The following BTAF1 variants were observed in gnomAD, a reference collection of about 807,000 sequenced individuals.
The protein encoded by BTAF1 is TATA-binding protein-associated factor 172.
Under a neutral mutation model 227.1 loss-of-function variants are expected in BTAF1, and 38 were observed. The ratio of observed to expected loss-of-function variants is 0.17; its 90% CI spans 0.13 to 0.22. BTAF1 has a LOEUF of 0.22. Among genes scored for constraint, BTAF1 ranks in the 10% least tolerant of loss-of-function variants. The pLI is 1.00. For missense variants in BTAF1, 1,598 were observed against 2,204.0 expected, an observed-to-expected ratio of 0.73 and a Z score of 5.51; for synonymous variants, 742 against 751.9, an observed-to-expected ratio of 0.99 and a Z score of 0.21.
chr10:91,939,852 A>G (rs1027441620), intron 2 of BTAF1, 100 bp from the exon 3 acceptor site: 4 of 665,570 alleles, frequency 6.0e-6, no homozygotes, highest in South Asian at 2.2e-5. Context: ...ATGGCTGCCA[A>G]ATTACACATT....
At position 91,982,624 on chromosome 10, in the gene BTAF1, G is replaced by C. The variant is rs765621237; in HGVS notation, c.2086G>C (p.Gly696Arg). The change falls in exon 18 of 38, where the codon GGT becomes CGT. Residue 696 changes from glycine (G) to arginine (R), a missense_variant. Coordinates refer to ENST00000265990, the MANE Select transcript of BTAF1 (RefSeq NM_003972.3). ...GALCCCICDP[G>R]VNVVTQEIKP... ...ACTTTGTTGCTGTATTTGTGATCCA[G>C]GTGTAAATGTGGTAACTCAAGAAAT... 2 of 1,613,796 alleles carry C rather than the reference G, an allele frequency of 1.2e-6. No individual in the cohort carries two copies. The highest frequency in any genetic ancestry group is 2.2e-5 in the East Asian group (1 of 44,832).
At chr10:91,942,307 T>C in intron 3 of BTAF1, 115 bp from the exon 4 acceptor site, 1 of 480,334 alleles carries the variant, frequency 2.1e-6, no homozygotes, top group South Asian at 2.8e-5. Flanking sequence ...TTTGTGTGTG[T>C]GTGTGTGTGT....
intron 20 of BTAF1, among the ~76,000 whole-genome samples, chr10:91,991,271 A>AAATATATATATATAT (rs1564699928): frequency 1.7e-4 from 11 of 66,210 alleles, no homozygotes; most frequent in Admixed American, 4.3e-4. Context: ...TATAAATATA[A>AAATATATATATATAT]ATATATATAT....
rs575291473 is a variant in BTAF1, at chr10:91,987,351, T to C, written c.2428-1803T>C. Among the ~76,000 whole-genome samples, 464 of 151,824 alleles carry C rather than the reference T, an allele frequency of 3.1e-3. 2 individuals are homozygous for C. Among genetic ancestry groups the C allele is most frequent in the African/African-American group, 0.011 (447 of 41,364 alleles). On this transcript the variant is annotated intron_variant, in intron 19 of 37. Coordinates refer to ENST00000265990, the MANE Select transcript of BTAF1 (RefSeq NM_003972.3). ...ACAAAAAATTAGCCGGGCGTGGTGGTGGGTGCCTGTAGTCCCAGCTACTCG... is the reference window on the plus strand; with the variant it reads ...ACAAAAAATTAGCCGGGCGTGGTGGCGGGTGCCTGTAGTCCCAGCTACTCG...
intron 1 of BTAF1, among the ~76,000 whole-genome samples, chr10:91,933,120 A>G (rs73312372): frequency 3.1e-4 from 47 of 152,302 alleles, no homozygotes; most frequent in African/African-American, 1.1e-3. Context: ...CTGTAACCCT[A>G]GCTTGAAGGG....
At position 91,932,411 on chromosome 10, in the gene BTAF1, AAAAG is replaced by A. The variant is rs1844332372; in HGVS notation, c.15-3245_15-3242del. On this transcript the variant is annotated intron_variant, in intron 1 of 37. Transcript: ENST00000265990. ...TGTTTCTCAAAGGAAGCAGGAAAAA[AAAAG>A]GTAATATAAAATATTTTTTCTTTCC... Among the ~76,000 whole-genome samples the A allele has an allele frequency of 2.0e-5, 3 of 152,356 alleles. No individual in the cohort carries two copies. The South Asian group carries it at 6.2e-4, about 32-fold the overall frequency.
chr10:91,967,165 T>TA (rs892380358), intron 14 of BTAF1, among the ~76,000 whole-genome samples: 5 of 152,188 alleles, frequency 3.3e-5, no homozygotes, highest in Non-Finnish European at 5.9e-5. Context: ...TTAAAAGACT[T>TA]ACCAAGGAAT....
chr10:91,979,021 CTT>C (rs1352852044), intron 14 of BTAF1, among the ~76,000 whole-genome samples: 1 of 151,966 alleles, frequency 6.6e-6, no homozygotes, highest in Non-Finnish European at 1.5e-5. Context: ...TTGTTCCTCT[CTT>C]TGTGTCCTTG....
intron 20 of BTAF1, among the ~76,000 whole-genome samples, chr10:91,991,265 A>AAC (rs1848715670): frequency 1.1e-5 from 1 of 90,090 alleles, no homozygotes; most frequent in Admixed American, 1.5e-4. Flanking sequence ...TATAAATATA[A>AAC]ATATAAATAT....
At chr10:91,947,885 A>G (rs2133842436) in intron 4 of BTAF1, among the ~76,000 whole-genome samples, 1 of 151,762 alleles carries the variant, frequency 6.6e-6, no homozygotes, top group South Asian at 2.1e-4. Context: ...TTTTCATTTT[A>G]TACTTGACAG....
Position 92,027,154 on chromosome 10 carries a change from T to C in BTAF1, c.5260T>C (p.Leu1754=). The C allele has an allele frequency of 6.2e-7, 1 of 1,613,800 alleles. No individual in the cohort carries two copies. Among genetic ancestry groups the C allele is most frequent in the South Asian group, 1.1e-5 (1 of 91,036 alleles). The change falls in exon 37 of 38, where the codon TTG becomes CTG. Residue 1754 remains leucine (L), a synonymous_variant. Coordinates refer to ENST00000265990, the MANE Select transcript of BTAF1 (RefSeq NM_003972.3). ...GQKRVVNVYR[L]ITRGTLEEKI... Reference sequence around the variant, plus strand: ...GAAACGTGTGGTTAACGTATACCGATTGATAACCAGAGGAACATTGGAAGA... The same window carrying C: ...GAAACGTGTGGTTAACGTATACCGACTGATAACCAGAGGAACATTGGAAGA...
At chr10:91,943,807 C>T (rs1287643527) in intron 4 of BTAF1, among the ~76,000 whole-genome samples, 2 of 152,010 alleles carry the variant, frequency 1.3e-5, no homozygotes, top group African/African-American at 2.4e-5. Flanking sequence ...TTTGGTTTTG[C>T]CATATTCTTA....
At chr10:91,974,833 G>T (rs1433033746) in intron 14 of BTAF1, among the ~76,000 whole-genome samples, 1 of 152,114 alleles carries the variant, frequency 6.6e-6, no homozygotes, top group African/African-American at 2.4e-5. Flanking sequence ...CAGCCTAGGT[G>T]ACAGAGTGAA....
At chr10:91,982,012 C>CAAA (rs1322858637) in intron 16 of BTAF1, 71 bp from the exon 17 acceptor site, 4 of 1,480,790 alleles carry the variant, frequency 2.7e-6, no homozygotes, top group Non-Finnish European at 2.7e-6. Context: ...TTAAAAATAT[C>CAAA]ATATTTTTGT....
chr10:91,996,305 T>C, intron 23 of BTAF1, 64 bp from the exon 24 acceptor site: 2 of 1,447,906 alleles, frequency 1.4e-6, no homozygotes, highest in Non-Finnish European at 1.9e-6. Context: ...GTATGGGCTA[T>C]TATAGTTACA....
chr10:91,923,886 C>A lies in BTAF1; in HGVS notation c.-191C>A, dbSNP rs1309076187. 8 of 589,372 alleles carry A rather than the reference C, an allele frequency of 1.4e-5. No homozygotes were observed. The African/African-American group carries it at 1.4e-4, about 10-fold the overall frequency. 36.5% of individuals were successfully genotyped at this position (589,372 alleles called of 1,614,324 possible). A position where few individuals can be genotyped will look rare whatever the true frequency, so the allele number is the denominator to read the frequency against. On this transcript the variant is annotated 5_prime_UTR_variant, in exon 1 of 38. Coordinates refer to ENST00000265990, the MANE Select transcript of BTAF1 (RefSeq NM_003972.3). ...ACCGTCTTGGACCCCTGCTTACCGG[C>A]CGCCGCGGGGACGAGCTCGGGTAGG...
In BTAF1 at chr10:91,935,660, A is replaced by G. The variant is rs1589748076; in HGVS notation, c.18A>G (p.Leu6=). The change falls in exon 2 of 38, where the codon CTA becomes CTG. Residue 6 remains leucine (L), a synonymous_variant. Transcript: ENST00000265990. Reference sequence around the variant, plus strand: ...CATTGTATTTTTGTTATTTCAGGCTAGATCGCCTTTTTATTTTACTGGATA... The same window carrying G: ...CATTGTATTTTTGTTATTTCAGGCTGGATCGCCTTTTTATTTTACTGGATA... MAVSR[L]DRLFILLDTG... 6.2e-7 allele frequency: 1 copy of G among 1,612,436 alleles called. No individual in the cohort carries two copies. The highest frequency in any genetic ancestry group is 1.1e-5 in the South Asian group (1 of 90,808).
At chr10:92,020,614 T>C (rs1346035985) in intron 34 of BTAF1, among the ~76,000 whole-genome samples, 1 of 152,212 alleles carries the variant, frequency 6.6e-6, no homozygotes, top group Non-Finnish European at 1.5e-5. Flanking sequence ...CTTACATCAC[T>C]AAACGTAAAA....
At chr10:92,001,848 C>G (rs1335627101) in intron 25 of BTAF1, among the ~76,000 whole-genome samples, 1 of 150,266 alleles carries the variant, frequency 6.7e-6, no homozygotes, top group African/African-American at 2.5e-5. Flanking sequence ...TGCAGTAGTT[C>G]ACCTCTGTAA....
Sources: gnomAD v4.1 joint callset for allele counts (sites outside exome capture counted in the v4.1 genomes callset) on GRCh38, gnomAD v4.1.1 for gene constraint, MANE v1.5 for transcripts, NCBI Gene and HGNC (gene_info 2026-07-23, HGNC 2026-07-21) for gene names.